LDLRAD4: variants seen among roughly 807,000 people sequenced by gnomAD.
LDLRAD4 encodes the protein low-density lipoprotein receptor class A domain-containing protein 4.
Under a neutral mutation model 17.0 loss-of-function variants are expected in LDLRAD4, and 5 were observed. The observed-to-expected ratio is 0.29, with a 90% CI of 0.15 to 0.62. The LOEUF (loss-of-function observed/expected upper bound fraction) is 0.62. Among genes scored for constraint, LDLRAD4 ranks in the 20% least tolerant of loss-of-function variants. The pLI is 0.84. For missense variants in LDLRAD4, 340 were observed against 424.7 expected, an observed-to-expected ratio of 0.80 and a Z score of 1.75; for synonymous variants, 168 against 171.8, an observed-to-expected ratio of 0.98 and a Z score of 0.17.
chr18:13,263,476 C>T (rs2044034082), intron 1 of LDLRAD4, among the ~76,000 whole-genome samples: 2 of 152,154 alleles, frequency 1.3e-5, no homozygotes, highest in Non-Finnish European at 2.9e-5. Flanking sequence ...GCAGCTAACA[C>T]ACAGAGCTGT....
intron 1 of LDLRAD4, among the ~76,000 whole-genome samples, chr18:13,242,682 G>A (rs889957716): frequency 6.6e-6 from 1 of 152,158 alleles, no homozygotes; most frequent in Non-Finnish European, 1.5e-5. Context: ...GGGTACAAGT[G>A]CAGTTTTGTT....
chr18:13,578,190 T>C (rs4797787), intron 3 of LDLRAD4, among the ~76,000 whole-genome samples: 117,506 of 152,130 alleles, frequency 0.77, 45,499 homozygotes, highest in South Asian at 0.84. Context: ...CCCCTGAAGC[T>C]CATCCGTGGG....
intron 1 of LDLRAD4, among the ~76,000 whole-genome samples, chr18:13,227,733 G>A (rs2041882341): frequency 1.3e-5 from 2 of 152,202 alleles, no homozygotes; most frequent in Non-Finnish European, 2.9e-5. Flanking sequence ...AGAGTGAAGT[G>A]CAGAGTGAAG....
chr18:13,556,221 A>G (rs75569139), intron 3 of LDLRAD4, among the ~76,000 whole-genome samples: 32,028 of 152,054 alleles, frequency 0.21, 3,585 homozygotes, highest in Non-Finnish European at 0.23. Flanking sequence ...TTTCTAGGAG[A>G]GTGGGGAACT....
chr18:13,614,138 G>A lies in LDLRAD4; in HGVS notation c.182-6979G>A, dbSNP rs145737887. On this transcript the variant is annotated intron_variant, in intron 3 of 5. Coordinates refer to ENST00000359446, the Ensembl canonical transcript of LDLRAD4. The stretch of plus-strand genomic sequence containing the variant: ...CAGGTCAGGCCGTTGGGGTCCCTTC[G>A]TTCTTAGGGCTTCTCCACCAGCTTC... The A allele has an allele frequency of 5.3e-5, 8 of 152,334 alleles. No individual in the cohort carries two copies. In the South Asian group the frequency reaches 6.2e-4, roughly 12 times the overall value. 9.4% of individuals were successfully genotyped at this position (152,334 alleles called of 1,614,324 possible).
intron 3 of LDLRAD4, chr18:13,515,876 A>T (rs1476665631): frequency 6.6e-6 from 1 of 152,134 alleles, no homozygotes; most frequent in South Asian, 2.1e-4. Context: ...GGAGTGCCAC[A>T]ATTATAGCTG....
At chr18:13,590,104 T>G (rs1008030308) in intron 3 of LDLRAD4, among the ~76,000 whole-genome samples, 1 of 150,738 alleles carries the variant, frequency 6.6e-6, no homozygotes, top group South Asian at 2.1e-4. Flanking sequence ...AGTGTGCATG[T>G]GTGTGACTGC....
intron 1 of LDLRAD4, among the ~76,000 whole-genome samples, chr18:13,361,021 TG>T (rs1343991855): frequency 2.6e-5 from 4 of 152,266 alleles, no homozygotes; most frequent in Non-Finnish European, 2.9e-5. Context: ...GGGTATTGCA[TG>T]TGCATTGTGA....
chr18:13,548,668 G>A lies in LDLRAD4; in HGVS notation c.182-72449G>A, dbSNP rs371539193. On this transcript the variant is annotated intron_variant, in intron 3 of 5. Transcript: ENST00000359446. ...TGGTTTCTGGGCCTCCAAGAGTCCA[G>A]GGGTGCAGGGATGCCCATGTCCACA... Among the ~76,000 whole-genome samples the A allele has an allele frequency of 2.3e-3, 343 of 152,360 alleles. 2 individuals carry two copies. The highest frequency in any genetic ancestry group is 7.5e-3 in the African/African-American group (313 of 41,594).
At chr18:13,246,936 A>G in intron 1 of LDLRAD4, among the ~76,000 whole-genome samples, 1 of 141,832 alleles carries the variant, frequency 7.1e-6, no homozygotes, top group East Asian at 2.0e-4. Context: ...TTTTATCTAC[A>G]AGGGTTTTTT....
chr18:13,283,033 C>A (rs895110493), intron 1 of LDLRAD4, among the ~76,000 whole-genome samples: 1 of 152,222 alleles, frequency 6.6e-6, no homozygotes, highest in Non-Finnish European at 1.5e-5. Context: ...CCCCTTTCAG[C>A]CACTTCTGGT....
chr18:13,591,445 T>C (rs998718528), intron 3 of LDLRAD4, among the ~76,000 whole-genome samples: 30 of 151,746 alleles, frequency 2.0e-4, no homozygotes, highest in African/African-American at 7.0e-4. Context: ...TGTGTGTGTG[T>C]GTGTCTCTGT....
In LDLRAD4 at chr18:13,226,200, T is replaced by TTTTTTTTTTTTTTTTTTTG. The variant is rs1399999238; in HGVS notation, c.-467+7213_-467+7214insTTTTTTTTTTTTTTTTTGT. On this transcript the variant is annotated intron_variant, in intron 1 of 5. Coordinates refer to the LDLRAD4 transcript ENST00000399848. ...CCTTGCTTTTTTTTTTTTTTTTTTT[T>TTTTTTTTTTTTTTTTTTTG]TGTAGAGACCGGGTTTCGCCATGTT... 8.4e-5 allele frequency among the ~76,000 whole-genome samples: 12 copies of TTTTTTTTTTTTTTTTTTTG among 143,288 alleles called. 1 individual carries two copies. Among genetic ancestry groups the TTTTTTTTTTTTTTTTTTTG allele is most frequent in the Admixed American group, 2.8e-4 (4 of 14,160 alleles). 94.0% of individuals were successfully genotyped at this position (143,288 alleles called of 152,430 possible).
chr18:13,343,065 T>G (rs969212783), intron 1 of LDLRAD4, among the ~76,000 whole-genome samples: 1 of 152,182 alleles, frequency 6.6e-6, no homozygotes, highest in Admixed American at 6.5e-5. Context: ...ATTTCCTAAA[T>G]CTATTGTTTC....
intron 1 of LDLRAD4, among the ~76,000 whole-genome samples, chr18:13,242,690 G>T (rs1398180901): frequency 6.6e-6 from 1 of 152,160 alleles, no homozygotes; most frequent in Admixed American, 6.5e-5. Context: ...GTGCAGTTTT[G>T]TTATATGGAT....
At chr18:13,416,078 A>G (rs1600101883) in intron 2 of LDLRAD4, among the ~76,000 whole-genome samples, 3 of 152,294 alleles carry the variant, frequency 2.0e-5, no homozygotes, top group East Asian at 3.9e-4. Flanking sequence ...CCATGAAGAG[A>G]TCGGGCTGGC....
At chr18:13,596,394 AC>A (rs1193494439) in intron 3 of LDLRAD4, among the ~76,000 whole-genome samples, 1 of 151,924 alleles carries the variant, frequency 6.6e-6, no homozygotes, top group African/African-American at 2.4e-5. Flanking sequence ...TTACCACCTT[AC>A]TTTTTGTTTC....
At chr18:13,225,817 AT>A (rs1398355490) in intron 1 of LDLRAD4, among the ~76,000 whole-genome samples, 1 of 152,212 alleles carries the variant, frequency 6.6e-6, no homozygotes, top group African/African-American at 2.4e-5. Flanking sequence ...GAAGCTTAGC[AT>A]TCTTTCATGA....
chr18:13,268,526 ATG>A (rs2044349481), intron 1 of LDLRAD4, among the ~76,000 whole-genome samples: 1 of 152,228 alleles, frequency 6.6e-6, no homozygotes, highest in Non-Finnish European at 1.5e-5. Context: ...TTCCCTTGGA[ATG>A]CAGCCTTGTT....
Sources: gnomAD v4.1 joint callset for allele counts (sites outside exome capture counted in the v4.1 genomes callset) on GRCh38, gnomAD v4.1.1 for gene constraint, MANE v1.5 for transcripts, NCBI Gene and HGNC (gene_info 2026-07-23, HGNC 2026-07-21) for gene names.